Variants in MGAT1 observed in about 807,000 individuals in gnomAD.
MGAT1 encodes the protein N-glycosyl-oligosaccharide-glycoprotein N-acetylglucosaminyltransferase I.
A neutral mutation model predicts 31.7 loss-of-function variants in MGAT1; 14 were observed. The observed-to-expected ratio is 0.44, with a 90% CI of 0.29 to 0.69. MGAT1 has a LOEUF of 0.69. Ranked by LOEUF, MGAT1 falls within the 30% of genes least tolerant of loss-of-function variation. The pLI, the probability that MGAT1 is intolerant of heterozygous loss-of-function variation, is 0.12. For synonymous variants in MGAT1, 338 were observed against 276.0 expected, an observed-to-expected ratio of 1.22 and a Z score of -2.23; for missense variants, 557 against 626.0, an observed-to-expected ratio of 0.89 and a Z score of 1.18.
At chr5:180,800,816 A>T (rs62407763) in intron 1 of MGAT1, among the ~76,000 whole-genome samples, 13,845 of 152,270 alleles carry the variant, frequency 0.091, 680 homozygotes, top group East Asian at 0.21. Flanking sequence ...GGGAAAATAC[A>T]ATCTGCTACA....
upstream of MGAT1, among the ~76,000 whole-genome samples, chr5:180,806,671 A>T (rs1397498467): frequency 2.6e-5 from 4 of 152,188 alleles, no homozygotes; most frequent in Non-Finnish European, 4.4e-5. Flanking sequence ...GGGCTTCCGT[A>T]GCTTCCCCTC....
rs185544767 is a variant in MGAT1, at chr5:180,794,759, G to A, written c.-126-1662C>T. Among the ~76,000 whole-genome samples the A allele has an allele frequency of 1.2e-4, 18 of 152,244 alleles. No individual in the cohort carries two copies. The East Asian group carries it at 2.9e-3, about 25-fold the overall frequency. On this transcript the variant is annotated intron_variant, in intron 1 of 1. Coordinates refer to ENST00000307826, the MANE Select transcript of MGAT1 (RefSeq NM_002406.4). ...GGGGCAGGGGCAGATCCTTCCTAAC[G>A]TCCTCTGGTGAGTGAGCTAGTTCCC...
intron 1 of MGAT1, chr5:180,809,982 T>C (rs936711): frequency 0.17 from 26,520 of 151,894 alleles, 3,011 homozygotes; most frequent in African/African-American, 0.32. Context: ...TCCTGGACTC[T>C]GACCCCCACC....
chr5:180,794,623 AT>A (rs1477827225), intron 1 of MGAT1, among the ~76,000 whole-genome samples: 4 of 152,194 alleles, frequency 2.6e-5, no homozygotes, highest in African/African-American at 7.2e-5. Flanking sequence ...TTACGTAGCT[AT>A]GCTATAGCTT....
intron 1 of MGAT1, among the ~76,000 whole-genome samples, chr5:180,814,328 T>C (rs1050370923): frequency 2.6e-5 from 4 of 152,238 alleles, no homozygotes; most frequent in African/African-American, 4.8e-5. Flanking sequence ...CCCTCAATCT[T>C]ATTGTGCCTC....
chr5:180,790,330 C>T lies in MGAT1; in HGVS notation c.*1304G>A, dbSNP rs1017487558. 6.6e-6 allele frequency: 1 copy of T among 152,388 alleles called. No individual in the cohort carries two copies. Among genetic ancestry groups the T allele is most frequent in the South Asian group, 2.1e-4 (1 of 4,832 alleles). The allele number at this position is 152,388 out of a possible 1,614,324, so 9.4% of individuals were successfully genotyped here. ...ACAGGACGATCAGCAGGAGCACAGT[C>T]CGGGGCTCCTCTCCACCTTGTGGCC... is the stretch of plus-strand genomic sequence containing the variant. On this transcript the variant is annotated 3_prime_UTR_variant, in exon 2 of 2. Coordinates refer to ENST00000307826, the MANE Select transcript of MGAT1 (RefSeq NM_002406.4).
chr5:180,808,704 T>TC, exon 2 of MGAT1: 1 of 152,194 alleles, frequency 6.6e-6, no homozygotes, highest in East Asian at 1.9e-4. Flanking sequence ...CATTCAGCAC[T>TC]CCATTTTCAA....
At chr5:180,796,364 T>C (rs1769370443) in intron 1 of MGAT1, among the ~76,000 whole-genome samples, 1 of 152,162 alleles carries the variant, frequency 6.6e-6, no homozygotes, top group South Asian at 2.1e-4. Context: ...GTCAAGTCTG[T>C]TTCCATGTAA....
In MGAT1 at chr5:180,791,685, G is replaced by A; in HGVS notation, c.1287C>T (p.Val429=). Residue 429 remains valine, a synonymous_variant, in exon 2 of 2, where the codon GTC becomes GTT. Transcript: ENST00000307826. ...IVTFQFRGRR[V]HLAPPLTWEG... ...CCCACGTCAGTGGGGGCGCCAGGTGGACACGGCGGCCCCGGAACTGGAAGG... is the reference window on the plus strand; with the variant it reads ...CCCACGTCAGTGGGGGCGCCAGGTGAACACGGCGGCCCCGGAACTGGAAGG... 1 of 1,613,878 alleles carries A rather than the reference G, an allele frequency of 6.2e-7. No individual in the cohort carries two copies. Among genetic ancestry groups the A allele is most frequent in the Non-Finnish European group, 8.5e-7 (1 of 1,180,018 alleles).
chr5:180,807,846 A>G lies in MGAT1; in HGVS notation c.-127+802T>C, dbSNP rs549996754. Among the ~76,000 whole-genome samples, 6 of 152,372 alleles carry G rather than the reference A, an allele frequency of 3.9e-5. No homozygotes were observed. The South Asian group carries it at 1.2e-3, about 32-fold the overall frequency. On this transcript the variant is annotated intron_variant, in intron 2 of 2. Transcript: ENST00000333055. The stretch of plus-strand genomic sequence containing the variant: ...CATCTTCTTAGGCTGTTGCCAGCAC[A>G]CTATTTCAAGAAGAAAACAGAACTC...
upstream of MGAT1, chr5:180,802,866 G>A (rs1193045963): frequency 6.6e-6 from 1 of 150,382 alleles, no homozygotes; most frequent in Non-Finnish European, 1.5e-5. Flanking sequence ...AGGCGGGGCG[G>A]GGCGGGGCGG....
chr5:180,794,595 TTAATAG>T (rs764577368), intron 1 of MGAT1, among the ~76,000 whole-genome samples: 2 of 152,172 alleles, frequency 1.3e-5, no homozygotes, highest in Admixed American at 6.6e-5. Flanking sequence ...GATGGTCTTA[TTAATAG>T]TGTTATAATA....
In MGAT1 at chr5:180,792,467, T is replaced by C. The variant is rs757343836; in HGVS notation, c.505A>G (p.Ser169Gly). ...VTHIRQPDLSSIAVPPDHRKF... is the reference protein window; with the variant it reads ...VTHIRQPDLSGIAVPPDHRKF... ...CGGTGGTCCGGCGGCACCGCAATGC[T>C]GCTCAGGTCGGGCTGCCGGATGTGC... Residue 169 changes from serine to glycine, a missense_variant, in exon 2 of 2, where the codon AGC becomes GGC. By Grantham distance (56) the Ser-to-Gly change is moderately conservative. This residue lies in a region of MGAT1 where 245 missense variants were observed against 332.9 expected (regional missense o/e 0.74). Transcript: ENST00000307826. 3.1e-6 allele frequency: 5 copies of C among 1,612,836 alleles called. No homozygotes were observed. The highest frequency in any genetic ancestry group is 4.2e-6 in the Non-Finnish European group (5 of 1,179,820).
chr5:180,796,354 G>A (rs1033475401), intron 1 of MGAT1, among the ~76,000 whole-genome samples: 2 of 152,092 alleles, frequency 1.3e-5, no homozygotes, highest in Non-Finnish European at 2.9e-5. Context: ...TCTCAGAAAC[G>A]TCAAGTCTGT....
At chr5:180,794,273 T>C (rs1768852789) in intron 1 of MGAT1, among the ~76,000 whole-genome samples, 1 of 149,306 alleles carries the variant, frequency 6.7e-6, no homozygotes, top group Non-Finnish European at 1.5e-5. Flanking sequence ...GCACCTGTGG[T>C]CCCAGCTACT....
At chr5:180,807,169 G>A (rs147003192), upstream of MGAT1, among the ~76,000 whole-genome samples, 642 of 152,366 alleles carry the variant, frequency 4.2e-3, 4 homozygotes, top group African/African-American at 0.014. Context: ...AGGATTTTCA[G>A]TTTGCAGATG....
chr5:180,805,515 A>G (rs58982582), upstream of MGAT1, among the ~76,000 whole-genome samples: 19,310 of 152,054 alleles, frequency 0.13, 1,286 homozygotes, highest in East Asian at 0.25. Context: ...ACTTTAGGAG[A>G]CCAACGCAGG....
At position 180,791,866 on chromosome 5, in the gene MGAT1, T is replaced by C. The variant is rs1768174065; in HGVS notation, c.1106A>G (p.Gln369Arg). 1 of 1,614,206 alleles carries C rather than the reference T, an allele frequency of 6.2e-7. No homozygotes were observed. Among genetic ancestry groups the C allele is most frequent in the East Asian group, 2.2e-5 (1 of 44,876 alleles). Residue 369 changes from glutamine (Q) to arginine (R), a missense_variant, in exon 2 of 2, where the codon CAG becomes CGG. Gln to Arg is a conservative substitution (Grantham distance 43). Coordinates refer to ENST00000307826, the MANE Select transcript of MGAT1 (RefSeq NM_002406.4). ...LARVYGAPQL[Q>R]VEKVRTNDRK... ...GTCATTGGTCCTCACTTTCTCCACC[T>C]GCAGCTGGGGAGCACCGTAGACGCG...
In MGAT1 at chr5:180,785,319, C is replaced by T. The variant is rs1263443423; in HGVS notation, c.*6315G>A. The T allele has an allele frequency of 2.0e-5, 3 of 152,364 alleles. No homozygotes were observed. Among genetic ancestry groups the T allele is most frequent in the East Asian group, 1.9e-4 (1 of 5,192 alleles). 9.4% of individuals were successfully genotyped at this position (152,364 alleles called of 1,614,324 possible). A position where few individuals can be genotyped will look rare whatever the true frequency, so the allele number is the denominator to read the frequency against. On this transcript the variant is annotated 3_prime_UTR_variant, in exon 2 of 2. Transcript: ENST00000307826. ...TTTCTACTGTTGCTCAGCAAACTCC[C>T]GCAGAACTCAGCAGCTTAAAATACC...
Sources: allele counts gnomAD v4.1 joint callset (sites outside exome capture counted in the v4.1 genomes callset), GRCh38; gene constraint gnomAD v4.1.1; regional missense constraint gnomAD v4.1.1; transcripts MANE v1.5; gene names NCBI Gene and HGNC (gene_info 2026-07-23, HGNC 2026-07-21).